The following NUBPL variants were observed in gnomAD, a reference collection of about 807,000 sequenced individuals.
The protein encoded by NUBPL is NUBP iron-sulfur cluster assembly factor, mitochondrial.
Under a neutral mutation model 45.7 loss-of-function variants are expected in NUBPL, and 31 were observed. That is an observed-to-expected ratio of 0.68 (90% CI 0.51 to 0.92). NUBPL has a LOEUF of 0.92. NUBPL is among the 40% of genes least tolerant of loss of function. The probability of loss-of-function intolerance (pLI) is 0.00; values close to 1 mark genes in which losing one functional copy is unlikely to be tolerated. For synonymous variants in NUBPL, 144 were observed against 140.9 expected, an observed-to-expected ratio of 1.02 and a Z score of -0.15; for missense variants, 401 against 398.7, an observed-to-expected ratio of 1.01 and a Z score of -0.05.
Position 31,764,036 on chromosome 14 carries a change from A to T in NUBPL, c.514-23744A>T, listed in dbSNP as rs552503437. ...AATCTTACTTGAGAAACCATAGATGATTGAGTTAGTTAGTTTTGATATAGA... is the reference window on the plus strand; with the variant it reads ...AATCTTACTTGAGAAACCATAGATGTTTGAGTTAGTTAGTTTTGATATAGA... On this transcript the variant is annotated intron_variant, in intron 6 of 10. Coordinates refer to ENST00000281081, the MANE Select transcript of NUBPL (RefSeq NM_025152.3). Among the ~76,000 whole-genome samples, 24 of 152,260 alleles carry T rather than the reference A, an allele frequency of 1.6e-4. No homozygotes were observed. The South Asian group carries it at 4.8e-3, about 30-fold the overall frequency.
intron 3 of NUBPL, among the ~76,000 whole-genome samples, chr14:31,573,572 A>G (rs1406975921): frequency 2.6e-5 from 4 of 152,194 alleles, no homozygotes; most frequent in South Asian, 2.1e-4. Context: ...TTGGTGGAAT[A>G]TAGCTGAAAG....
At chr14:31,602,810 G>A (rs991389034) in intron 4 of NUBPL, among the ~76,000 whole-genome samples, 2 of 152,038 alleles carry the variant, frequency 1.3e-5, no homozygotes, top group African/African-American at 2.4e-5. Flanking sequence ...GTTCAGAAAA[G>A]ATGAAAATTA....
intron 4 of NUBPL, among the ~76,000 whole-genome samples, chr14:31,626,551 A>G (rs758033539): frequency 1.3e-5 from 2 of 152,334 alleles, no homozygotes; most frequent in Middle Eastern, 3.4e-3. Context: ...TGGAAATGGC[A>G]GTAAGTAACC....
At chr14:31,789,999 T>A (rs1243179277) in intron 7 of NUBPL, among the ~76,000 whole-genome samples, 1 of 152,112 alleles carries the variant, frequency 6.6e-6, no homozygotes, top group African/African-American at 2.4e-5. Context: ...ATGTTCATTT[T>A]AAAAAAATGT....
rs112151748 is a variant in NUBPL, at chr14:31,606,433, A to C, written c.382+7054A>C. 3.9e-4 allele frequency among the ~76,000 whole-genome samples: 59 copies of C among 152,320 alleles called. 1 individual carries two copies. Among genetic ancestry groups the C allele is most frequent in the African/African-American group, 1.3e-3 (52 of 41,574 alleles). ...TAAAGGTAACTTAAGTGCTTAAAGA[A>C]TGAGAGTGAACTCTAGTTATTCCTT... On this transcript the variant is annotated intron_variant, in intron 4 of 10. Transcript: ENST00000281081.
At chr14:31,591,218 A>G (rs923206245) in intron 3 of NUBPL, among the ~76,000 whole-genome samples, 3 of 152,218 alleles carry the variant, frequency 2.0e-5, no homozygotes, top group Non-Finnish European at 4.4e-5. Context: ...GCTGGAATGC[A>G]ATGGTGTAAT....
intron 3 of NUBPL, among the ~76,000 whole-genome samples, chr14:31,596,182 C>T (rs1595341488): frequency 1.3e-5 from 2 of 152,022 alleles, no homozygotes; most frequent in African/African-American, 2.4e-5. Flanking sequence ...GGATTACAGG[C>T]GTGAGCCACC....
chr14:31,687,918 C>A (rs949104974), intron 6 of NUBPL, among the ~76,000 whole-genome samples: 1 of 152,120 alleles, frequency 6.6e-6, no homozygotes, highest in African/African-American at 2.4e-5. Flanking sequence ...ACCTAAGGAC[C>A]ATTGTGAGAA....
At chr14:31,563,721 CTCAG>C (rs1463383428) in intron 2 of NUBPL, among the ~76,000 whole-genome samples, 2 of 152,130 alleles carry the variant, frequency 1.3e-5, no homozygotes, top group Non-Finnish European at 2.9e-5. Context: ...TGCAAATATG[CTCAG>C]TGATTCTATT....
chr14:31,783,337 A>G (rs893861841), intron 6 of NUBPL, among the ~76,000 whole-genome samples: 1 of 151,988 alleles, frequency 6.6e-6, no homozygotes, highest in Admixed American at 6.6e-5. Context: ...TCTGAGCACT[A>G]GATTCTGTGT....
At chr14:31,635,524 G>A (rs2035468497) in intron 4 of NUBPL, among the ~76,000 whole-genome samples, 1 of 151,984 alleles carries the variant, frequency 6.6e-6, no homozygotes, top group African/African-American at 2.4e-5. Flanking sequence ...CAGGTAGTGT[G>A]ATGCCTCCAG....
chr14:31,793,647 T>G (rs1191290290), intron 7 of NUBPL, among the ~76,000 whole-genome samples: 1 of 152,120 alleles, frequency 6.6e-6, no homozygotes, highest in East Asian at 1.9e-4. Context: ...TCTGTGACTG[T>G]ATTATCTTTC....
chr14:31,790,568 C>G (rs1388436236), intron 7 of NUBPL, among the ~76,000 whole-genome samples: 1 of 152,192 alleles, frequency 6.6e-6, no homozygotes, highest in Non-Finnish European at 1.5e-5. Flanking sequence ...CAGTAACTCT[C>G]TGGCCGGATG....
intron 3 of NUBPL, among the ~76,000 whole-genome samples, chr14:31,598,491 C>A (rs2034341324): frequency 6.6e-6 from 1 of 151,914 alleles, no homozygotes; most frequent in Non-Finnish European, 1.5e-5. Context: ...TTGATTTCAT[C>A]TATCAAAGGA....
At chr14:31,667,093 C>G (rs528057595) in intron 4 of NUBPL, among the ~76,000 whole-genome samples, 1 of 152,170 alleles carries the variant, frequency 6.6e-6, no homozygotes, top group Admixed American at 6.5e-5. Flanking sequence ...TGAATGTTGG[C>G]CTGTCTTGCT....
chr14:31,673,463 AT>A lies in NUBPL; in HGVS notation c.423-16del. 1 of 1,610,870 alleles carries A rather than the reference AT, an allele frequency of 6.2e-7. No individual in the cohort carries two copies. Among genetic ancestry groups the A allele is most frequent in the Non-Finnish European group, 8.5e-7 (1 of 1,177,324 alleles). On this transcript the variant is annotated intron_variant, in intron 5 of 10. Coordinates refer to ENST00000281081, the MANE Select transcript of NUBPL (RefSeq NM_025152.3). ...TGATTAATTTATACAAATTAGTTGT[AT>A]TTTTATGTTACTGTTGCAGTATGTC...
At chr14:31,809,746 G>A (rs902245685) in intron 7 of NUBPL, among the ~76,000 whole-genome samples, 8 of 152,076 alleles carry the variant, frequency 5.3e-5, no homozygotes, top group Admixed American at 2.0e-4. Flanking sequence ...TTTCTCTTGT[G>A]GGCATTTAGT....
At chr14:31,768,603 G>A (rs1258218653) in intron 6 of NUBPL, among the ~76,000 whole-genome samples, 1 of 152,226 alleles carries the variant, frequency 6.6e-6, no homozygotes, top group East Asian at 1.9e-4. Context: ...ACTGAGACAG[G>A]TGGAAGCAAA....
chr14:31,812,287 G>T (rs2039822582), intron 7 of NUBPL, among the ~76,000 whole-genome samples: 1 of 152,196 alleles, frequency 6.6e-6, no homozygotes, highest in Non-Finnish European at 1.5e-5. Flanking sequence ...TTGAGCTGTG[G>T]TGGGCTCCAC....
Sources: gnomAD v4.1 joint callset for allele counts (sites outside exome capture counted in the v4.1 genomes callset) on GRCh38, gnomAD v4.1.1 for gene constraint, MANE v1.5 for transcripts, NCBI Gene and HGNC (gene_info 2026-07-23, HGNC 2026-07-21) for gene names.